Variants in INTS15 observed in about 807,000 individuals in gnomAD.
INTS15 encodes integrator complex subunit 15, also known as uncharacterized protein C7orf26.
At chr7:6,601,207 G>C in the INTS15 span, among the ~76,000 whole-genome samples, 1 of 152,174 alleles carries the variant, frequency 6.6e-6, no homozygotes, top group Non-Finnish European at 1.5e-5. Context: ...TTGGGCTCAA[G>C]TGATCTTCCT....
chr7:6,602,880 C>T, the INTS15 span: 1 of 388,110 alleles, frequency 2.6e-6, no homozygotes, highest in South Asian at 1.9e-5. Flanking sequence ...TCAAGAAAAC[C>T]ATGGGACCTG....
the INTS15 span, chr7:6,591,579 T>C: frequency 1.4e-6 from 2 of 1,427,030 alleles, no homozygotes; most frequent in South Asian, 2.3e-5. Flanking sequence ...CCTGTTTTCT[T>C]AATGTATGAG....
chr7:6,590,168 C>A, the INTS15 span: 1 of 887,784 alleles, frequency 1.1e-6, no homozygotes, highest in Non-Finnish European at 1.5e-6. Context: ...GGCAAGCGGG[C>A]GGGTGCCGCA....
the INTS15 span, among the ~76,000 whole-genome samples, chr7:6,598,976 C>T: frequency 6.6e-5 from 10 of 152,076 alleles, no homozygotes; most frequent in East Asian, 1.9e-3. Context: ...TTTGTAGAGA[C>T]TGGGTCTCAC....
the INTS15 span, chr7:6,600,137 G>A: frequency 6.2e-7 from 1 of 1,614,194 alleles, no homozygotes; most frequent in Middle Eastern, 1.6e-4. Context: ...CGTCCTGCAA[G>A]TGCTCATGAC....
chr7:6,607,495 C>T, the INTS15 span: 2 of 1,292,892 alleles, frequency 1.5e-6, no homozygotes, highest in East Asian at 1.1e-4. The surrounding 1 kb of genome is among the most constrained non-coding windows in gnomAD (Gnocchi z 6.0). Flanking sequence ...CAGGCCTGGG[C>T]CGTCCCCGAG....
the INTS15 span, among the ~76,000 whole-genome samples, chr7:6,591,391 C>T: frequency 2.0e-5 from 3 of 151,378 alleles, no homozygotes; most frequent in African/African-American, 4.9e-5. Context: ...CTAAGCCTCC[C>T]GAGTAGCTGG....
the INTS15 span, among the ~76,000 whole-genome samples, chr7:6,595,114 C>G: frequency 1.3e-5 from 2 of 152,178 alleles, no homozygotes; most frequent in Non-Finnish European, 2.9e-5. Flanking sequence ...TCACTGCAGT[C>G]TCTGCCCCCA....
the INTS15 span, chr7:6,602,015 G>T: frequency 8.1e-7 from 1 of 1,237,254 alleles, no homozygotes; most frequent in Non-Finnish European, 1.2e-6. Context: ...TTGCTGTCTT[G>T]CTAGCATCCT....
the INTS15 span, among the ~76,000 whole-genome samples, chr7:6,593,992 AG>A: frequency 5.3e-4 from 70 of 132,626 alleles, no homozygotes; most frequent in East Asian, 0.012. Context: ...CTTCAGTGTA[AG>A]CCTTTAACTT....
At chr7:6,599,526 A>C in the INTS15 span, among the ~76,000 whole-genome samples, 1 of 152,214 alleles carries the variant, frequency 6.6e-6, no homozygotes, top group African/African-American at 2.4e-5. Context: ...ATTAACATGC[A>C]GGAGGCAATT....
chr7:6,591,983 C>T, the INTS15 span: 10 of 834,268 alleles, frequency 1.2e-5, no homozygotes, highest in Admixed American at 5.2e-5. Flanking sequence ...ACCAGCCTGA[C>T]CAACATGGCG....
chr7:6,601,692 T>C, the INTS15 span, among the ~76,000 whole-genome samples: 4 of 145,130 alleles, frequency 2.8e-5, no homozygotes, highest in Non-Finnish European at 6.1e-5. Flanking sequence ...GGTCTCACTC[T>C]GTTGCCCAGT....
At chr7:6,605,149 C>T in the INTS15 span, among the ~76,000 whole-genome samples, 2 of 152,168 alleles carry the variant, frequency 1.3e-5, no homozygotes, top group East Asian at 1.9e-4. Flanking sequence ...CCTGCCACCA[C>T]GCCTAATTTT....
the INTS15 span, chr7:6,608,010 C>T: frequency 6.2e-7 from 1 of 1,600,174 alleles, no homozygotes; most frequent in Non-Finnish European, 8.5e-7. Flanking sequence ...CCTCACGCCG[C>T]GCTCCCCCCG....
At chr7:6,590,503 G>C in the INTS15 span, 3,280 of 1,526,388 alleles carry the variant, frequency 2.1e-3, 68 homozygotes, top group African/African-American at 0.042. Context: ...CGGGTTCCCG[G>C]GCCCCGCAGG....
chr7:6,596,480 G>C, the INTS15 span, among the ~76,000 whole-genome samples: 4 of 143,844 alleles, frequency 2.8e-5, no homozygotes, highest in African/African-American at 1.0e-4. Flanking sequence ...CTGGGTTCAA[G>C]AGATTCTCTT....
chr7:6,592,195 A>C, the INTS15 span, among the ~76,000 whole-genome samples: 2 of 150,844 alleles, frequency 1.3e-5, no homozygotes, highest in East Asian at 4.0e-4. Context: ...CTCCCCTGAG[A>C]GTCTCTGAAG....
chr7:6,599,254 G>A, the INTS15 span, among the ~76,000 whole-genome samples: 22 of 152,174 alleles, frequency 1.4e-4, no homozygotes, highest in Non-Finnish European at 3.1e-4. Flanking sequence ...GTCACCATCT[G>A]TTCTTCTCTG....
Sources: gnomAD v4.1 joint callset for allele counts (sites outside exome capture counted in the v4.1 genomes callset) on GRCh38, gnomAD v4.1.1 for gene constraint, Gnocchi (gnomAD v3.1) non-coding constraint, MANE v1.5 for transcripts, NCBI Gene and HGNC (gene_info 2026-07-23, HGNC 2026-07-21) for gene names.